ZNF98: variants seen among roughly 807,000 people sequenced by gnomAD.
The protein encoded by ZNF98 is zinc finger protein 98.
Under a neutral mutation model 12.8 loss-of-function variants are expected in ZNF98, and 8 were observed. The ratio of observed to expected loss-of-function variants is 0.63; its 90% CI spans 0.37 to 1.13. ZNF98 has a LOEUF of 1.13. Among genes scored for constraint, ZNF98 ranks in the 50% most tolerant of loss-of-function variants. The pLI is 0.01. For synonymous variants in ZNF98, 112 were observed against 223.5 expected (o/e 0.50, Z 4.45); for missense variants, 379 against 666.1 (o/e 0.57, Z 4.74).
intron 2 of ZNF98, 128 bp downstream of exon 2, chr19:22,403,258 T>TAA (rs375950161): frequency 0.016 from 12,323 of 791,352 alleles, 347 homozygotes; most frequent in African/African-American, 0.14. Context: ...ATCTTGAAGT[T>TAA]AAAAAAAAAA....
chr19:22,399,250 A>G (rs938464231), intron 3 of ZNF98, among the ~76,000 whole-genome samples: 22 of 152,198 alleles, frequency 1.4e-4, no homozygotes, highest in African/African-American at 5.1e-4. Flanking sequence ...GAAGGTGGCT[A>G]TTTTGAATCA....
chr19:22,412,068 AC>A, intron 1 of ZNF98, among the ~76,000 whole-genome samples: 1 of 152,324 alleles, frequency 6.6e-6, no homozygotes, highest in Non-Finnish European at 1.5e-5. Flanking sequence ...ACCTGACTAA[AC>A]AGTCTTAATA....
At chr19:22,405,050 T>G (rs1408837772) in intron 1 of ZNF98, among the ~76,000 whole-genome samples, 2 of 152,138 alleles carry the variant, frequency 1.3e-5, no homozygotes, top group African/African-American at 4.8e-5. Flanking sequence ...GAATTCTTTA[T>G]GACGTGTAAG....
At chr19:22,408,091 T>A (rs1969542402) in intron 1 of ZNF98, among the ~76,000 whole-genome samples, 1 of 151,922 alleles carries the variant, frequency 6.6e-6, no homozygotes, top group African/African-American at 2.4e-5. Flanking sequence ...AAAAAACTGA[T>A]CCACAACAAT....
At chr19:22,403,605 T>G (rs1192725694) in intron 1 of ZNF98, 93 bp from the exon 2 acceptor site, 4 of 1,294,816 alleles carry the variant, frequency 3.1e-6, no homozygotes, top group East Asian at 2.4e-5. Context: ...TAAAGAGAAC[T>G]GGTTCTTACT....
Position 22,422,131 on chromosome 19 carries a change from C to T in ZNF98, c.30+64G>A, listed in dbSNP as rs370226052. 11 of 1,605,244 alleles carry T rather than the reference C, an allele frequency of 6.9e-6. No individual in the cohort carries two copies. The African/African-American group carries it at 1.3e-4, about 20-fold the overall frequency. On this transcript the variant is annotated intron_variant, in intron 1 of 3. Coordinates refer to ENST00000357774, the MANE Select transcript of ZNF98 (RefSeq NM_001098626.2). ...GGGGAGGCCTGAGTCCCGCCACAGC[C>T]TCTTCCCACCGGTTCCAACCAGCCC...
rs1345492449 is a variant in ZNF98 at position 22,391,193 on chromosome 19, G to A, written c.*323C>T. 7.1e-6 allele frequency: 2 copies of A among 280,790 alleles called. No homozygotes were observed. The highest frequency in any genetic ancestry group is 1.3e-5 in the Non-Finnish European group (2 of 150,162). 17.4% of individuals were successfully genotyped at this position (280,790 alleles called of 1,614,324 possible). On this transcript the variant is annotated 3_prime_UTR_variant, in exon 4 of 4. Coordinates refer to ENST00000357774, the MANE Select transcript of ZNF98 (RefSeq NM_001098626.2). ...AACTTCGTTTATATTTGTAATGTTT[G>A]TCTTCAAAATAAATCCTCTTCAGCA...
At chr19:22,420,690 T>G (rs1420981078) in intron 1 of ZNF98, among the ~76,000 whole-genome samples, 1 of 151,890 alleles carries the variant, frequency 6.6e-6, no homozygotes, top group Non-Finnish European at 1.5e-5. Context: ...CTAGCAGACA[T>G]AGCCACAGCA....
chr19:22,419,562 CGT>C (rs1335087695), intron 1 of ZNF98, among the ~76,000 whole-genome samples: 1 of 152,118 alleles, frequency 6.6e-6, no homozygotes, highest in African/African-American at 2.4e-5. Context: ...TTCAAAATTA[CGT>C]GTGTGAAAAA....
In ZNF98 at chr19:22,401,822, A is replaced by C. The variant is rs372815775; in HGVS notation, c.253+967T>G. 9.1e-3 allele frequency among the ~76,000 whole-genome samples: 1,382 copies of C among 151,694 alleles called. 18 individuals carry two copies. The highest frequency in any genetic ancestry group is 0.029 in the African/African-American group (1,183 of 41,376). Reference sequence around the variant, plus strand: ...TTAAAGTGCCGTGTTATCTACAGTGATCTCTAGATTCAATAAATTCCCTAT... The same window carrying C: ...TTAAAGTGCCGTGTTATCTACAGTGCTCTCTAGATTCAATAAATTCCCTAT... On this transcript the variant is annotated intron_variant, in intron 3 of 3. Coordinates refer to ENST00000357774, the MANE Select transcript of ZNF98 (RefSeq NM_001098626.2).
In ZNF98 at chr19:22,402,070, G is replaced by A. The variant is rs7351065; in HGVS notation, c.253+719C>T. ...TCGCGCCTGTATTCCCAGCTACTCA[G>A]GAGGCTGAGGCAGAAGAATCGCTTG... On this transcript the variant is annotated intron_variant, in intron 3 of 3. Coordinates refer to ENST00000357774, the MANE Select transcript of ZNF98 (RefSeq NM_001098626.2). Among the ~76,000 whole-genome samples, 49 of 150,172 alleles carry A rather than the reference G, an allele frequency of 3.3e-4. 1 individual carries two copies. The highest frequency in any genetic ancestry group is 1.2e-3 in the African/African-American group (49 of 40,946).
chr19:22,419,660 A>G (rs910572892), intron 1 of ZNF98, among the ~76,000 whole-genome samples: 3 of 152,200 alleles, frequency 2.0e-5, no homozygotes, highest in African/African-American at 7.2e-5. Context: ...AAGAAAAGCA[A>G]AAGTATCAAT....
chr19:22,395,054 C>T (rs1286147086), intron 3 of ZNF98, among the ~76,000 whole-genome samples: 1 of 151,730 alleles, frequency 6.6e-6, no homozygotes, highest in Non-Finnish European at 1.5e-5. Flanking sequence ...TGCCTGTAAT[C>T]CCAGCTAAGT....
chr19:22,408,016 A>C (rs964313729), intron 1 of ZNF98, among the ~76,000 whole-genome samples: 10 of 152,158 alleles, frequency 6.6e-5, no homozygotes, highest in Admixed American at 5.2e-4. Context: ...GGTTGCAGTG[A>C]GCCGAGATCA....
At chr19:22,408,215 T>C (rs572651947) in intron 1 of ZNF98, among the ~76,000 whole-genome samples, 19 of 152,354 alleles carry the variant, frequency 1.2e-4, no homozygotes, top group African/African-American at 4.6e-4. Flanking sequence ...TCTCAATAGA[T>C]GCAGAAAAGG....
At chr19:22,413,470 C>T (rs919034513) in intron 1 of ZNF98, among the ~76,000 whole-genome samples, 8 of 152,112 alleles carry the variant, frequency 5.3e-5, no homozygotes, top group African/African-American at 7.2e-5. Context: ...AAATGAAAAA[C>T]GGAATCCAAT....
At chr19:22,397,314 G>T (rs955192559) in intron 3 of ZNF98, among the ~76,000 whole-genome samples, 1 of 151,744 alleles carries the variant, frequency 6.6e-6, no homozygotes, top group African/African-American at 2.4e-5. Context: ...CATAATTATA[G>T]TAGGATATTT....
chr19:22,409,182 A>G (rs1969553910), intron 1 of ZNF98, among the ~76,000 whole-genome samples: 1 of 152,212 alleles, frequency 6.6e-6, no homozygotes, highest in Non-Finnish European at 1.5e-5. Context: ...AAAAACAAGC[A>G]ATGGGGAAAG....
intron 3 of ZNF98, among the ~76,000 whole-genome samples, chr19:22,398,503 C>A (rs1002779035): frequency 1.3e-4 from 19 of 151,486 alleles, no homozygotes. Flanking sequence ...GTAGACAGGA[C>A]CACTTCACCA....
Sources: gnomAD v4.1 joint callset for allele counts (sites outside exome capture counted in the v4.1 genomes callset) on GRCh38, gnomAD v4.1.1 for gene constraint, MANE v1.5 for transcripts, NCBI Gene and HGNC (gene_info 2026-07-23, HGNC 2026-07-21) for gene names.